MYH13: variants seen among roughly 807,000 people sequenced by gnomAD.
The protein encoded by MYH13 is myosin-13.
In MYH13, 177 loss-of-function variants were observed where a neutral mutation model predicts 232.1. That is an observed-to-expected ratio of 0.76 (90% CI 0.67 to 0.86). The LOEUF (loss-of-function observed/expected upper bound fraction) is 0.86, where lower values mean the gene tolerates loss of function less well. Among genes scored for constraint, MYH13 ranks in the 40% least tolerant of loss-of-function variants. MYH13 has a pLI of 0.00. For missense variants in MYH13, 2,246 were observed against 2,405.9 expected (o/e 0.93, Z 1.39); for synonymous variants, 884 against 923.5 (o/e 0.96, Z 0.78).
intron 22 of MYH13, among the ~76,000 whole-genome samples, chr17:10,326,601 G>A (rs1460952828): frequency 6.7e-6 from 1 of 150,184 alleles, no homozygotes; most frequent in Non-Finnish European, 1.5e-5. Context: ...CTCCTGAGTA[G>A]CTGGCACTAC....
At chr17:10,364,250 A>G in intron 3 of MYH13, 77 bp downstream of exon 3, 1 of 1,413,854 alleles carries the variant, frequency 7.1e-7, no homozygotes, top group Non-Finnish European at 9.8e-7. Context: ...AAGGACCAGC[A>G]TGCAATTTCT....
At chr17:10,339,908 G>A (rs1011321310) in intron 18 of MYH13, among the ~76,000 whole-genome samples, 8 of 152,152 alleles carry the variant, frequency 5.3e-5, no homozygotes, top group African/African-American at 1.9e-4. Flanking sequence ...TGATACAAGC[G>A]TGAAATGTGC....
chr17:10,350,984 G>A (rs1292009947), intron 11 of MYH13, among the ~76,000 whole-genome samples: 1 of 151,834 alleles, frequency 6.6e-6, no homozygotes, highest in East Asian at 2.0e-4. Flanking sequence ...CACTTTGAGA[G>A]GCCAGGGCAG....
chr17:10,357,554 A>G (rs1210646965), intron 8 of MYH13, among the ~76,000 whole-genome samples, 181 bp downstream of exon 8: 1 of 152,154 alleles, frequency 6.6e-6, no homozygotes, highest in Non-Finnish European at 1.5e-5. Flanking sequence ...CTCTGCCAGG[A>G]CCAAGCCAAC....
chr17:10,331,062 A>G (rs1567664006), intron 20 of MYH13, among the ~76,000 whole-genome samples: 1 of 151,932 alleles, frequency 6.6e-6, no homozygotes, highest in East Asian at 1.9e-4. Flanking sequence ...GACAAAAACA[A>G]CGTGTGTTCC....
Position 10,331,642 on chromosome 17 carries a change from A to T in MYH13, c.2298+457T>A, listed in dbSNP as rs1907410713. ...GCCCAGGCTGGAGTGCAGTAGTATG[A>T]TCAATCGCACTGCAGCCTCCATCTC... On this transcript the variant is annotated intron_variant, in intron 20 of 40. Transcript: ENST00000252172. Among the ~76,000 whole-genome samples, 5 of 152,060 alleles carry T rather than the reference A, an allele frequency of 3.3e-5. No homozygotes were observed. In the South Asian group the frequency reaches 1.0e-3, roughly 32 times the overall value.
At chr17:10,360,854 G>A (rs932709772) in intron 5 of MYH13, among the ~76,000 whole-genome samples, 1 of 152,100 alleles carries the variant, frequency 6.6e-6, no homozygotes, top group Non-Finnish European at 1.5e-5. Flanking sequence ...CAAGCACATG[G>A]GGAGAATGCC....
At chr17:10,312,202 G>C (rs919431576) in intron 31 of MYH13, 126 bp from the exon 32 acceptor site, 15 of 1,053,658 alleles carry the variant, frequency 1.4e-5, no homozygotes, top group Non-Finnish European at 2.0e-5. Context: ...GAAGAAGGAG[G>C]AGGAGCACTG....
At chr17:10,333,810 A>C (rs1263307802) in intron 18 of MYH13, among the ~76,000 whole-genome samples, 1 of 152,108 alleles carries the variant, frequency 6.6e-6, no homozygotes, top group Non-Finnish European at 1.5e-5. Flanking sequence ...TGGGAGGCTG[A>C]GGCAGCAGAA....
chr17:10,320,597 C>T, intron 24 of MYH13, 101 bp from the exon 25 acceptor site: 1 of 1,321,574 alleles, frequency 7.6e-7, no homozygotes, highest in Non-Finnish European at 1.0e-6. Flanking sequence ...TCCTGGGGCT[C>T]CTGTAGGGTG....
intron 37 of MYH13, among the ~76,000 whole-genome samples, chr17:10,305,844 G>A (rs750146270): frequency 8.5e-5 from 13 of 152,218 alleles, no homozygotes; most frequent in Non-Finnish European, 1.9e-4. Flanking sequence ...CCAGGTGTCG[G>A]GGGGTTGAAC....
chr17:10,310,480 T>C (rs1906472325), intron 33 of MYH13, among the ~76,000 whole-genome samples: 1 of 152,174 alleles, frequency 6.6e-6, no homozygotes, highest in Non-Finnish European at 1.5e-5. Flanking sequence ...CAAATATCCC[T>C]AATAGTGATG....
At chr17:10,358,544 G>C (rs2071766755) in intron 7 of MYH13, among the ~76,000 whole-genome samples, 1 of 152,022 alleles carries the variant, frequency 6.6e-6, no homozygotes, top group Admixed American at 6.6e-5. Flanking sequence ...GATTACTTGA[G>C]GCCAACGGTC....
Position 10,333,162 on chromosome 17 carries a change from G to A in MYH13, c.2086C>T (p.Gln696Ter), listed in dbSNP as rs752914001. The A allele has an allele frequency of 1.3e-6, 2 of 1,551,534 alleles. No homozygotes were observed. The highest frequency in any genetic ancestry group is 1.7e-6 in the Non-Finnish European group (2 of 1,146,870). The change falls in exon 19 of 41, where the codon CAG becomes TAG. Residue 696 changes from glutamine to a stop codon, truncating the protein, a stop_gained. Transcript: ENST00000252172. LOFTEE classifies it high-confidence loss of function. Reference protein sequence around the residue: ...GVMDHYLVMHQLRCNGVLEGI... With the variant: ...GVMDHYLVMH ...TCGAGGACCCCGTTACAGCGCAGCTGGTGCATGACCAAGTAGTGGTCCATC... is the reference window on the plus strand; with the variant it reads ...TCGAGGACCCCGTTACAGCGCAGCTAGTGCATGACCAAGTAGTGGTCCATC...
rs778908766 is a variant in MYH13, at chr17:10,327,917, T to C, written c.2640A>G (p.Lys880=). The change falls in exon 22 of 41, where the codon AAA becomes AAG. Residue 880 remains lysine, a synonymous_variant. Transcript: ENST00000252172. ...TCTTCTCCTGCAGGAGGGAGACCAT[T>C]TTCTCCTCCAGCTCCTTCCGGCGAG... is the stretch of plus-strand genomic sequence containing the variant. ...SEARRKELEE[K]MVSLLQEKND... The C allele has an allele frequency of 1.9e-6, 3 of 1,613,804 alleles. No homozygotes were observed.
Position 10,354,846 on chromosome 17 carries a change from T to C in MYH13, c.901+49A>G, listed in dbSNP as rs567656402. The stretch of plus-strand genomic sequence containing the variant: ...AACTTACTCTGGGTTGTTTTTTTTT[T>C]CCCAACGTCACCGATTTGGAACATA... On this transcript the variant is annotated intron_variant, in intron 10 of 40. Transcript: ENST00000252172. 1.1e-4 allele frequency: 135 copies of C among 1,180,772 alleles called. 1 individual carries two copies. Among genetic ancestry groups the C allele is most frequent in the South Asian group, 1.1e-3 (92 of 82,236 alleles). 73.1% of individuals were successfully genotyped at this position (1,180,772 alleles called of 1,614,324 possible). A position where few individuals can be genotyped will look rare whatever the true frequency, so the allele number is the denominator to read the frequency against.
intron 2 of MYH13, among the ~76,000 whole-genome samples, 176 bp from the exon 3 acceptor site, chr17:10,364,718 TA>T (rs1222182006): frequency 1.3e-5 from 2 of 151,874 alleles, no homozygotes; most frequent in East Asian, 3.9e-4. Flanking sequence ...GGGAATAAGC[TA>T]AAGGGGATAT....
At position 10,332,207 on chromosome 17, in the gene MYH13, A is replaced by G. The variant is rs1425672277; in HGVS notation, c.2190T>C (p.Asn730=). 4 of 1,613,822 alleles carry G rather than the reference A, an allele frequency of 2.5e-6. No homozygotes were observed. The South Asian group carries it at 4.4e-5, about 18-fold the overall frequency. The change falls in exon 20 of 41, where the codon AAT becomes AAC. Residue 730 remains asparagine (N), a synonymous_variant. Coordinates refer to ENST00000252172, the MANE Select transcript of MYH13 (RefSeq NM_003802.3). ...ADFKQRYRIL[N]ASAIPEGQFI... ...ACTGCCCTTCAGGGATAGCACTGGC[A>G]TTGAGGATCCGGTACCTAAGGAGAG...
chr17:10,313,028 G>A lies in MYH13; in HGVS notation c.4181+130C>T, dbSNP rs77504734. The A allele has an allele frequency of 1.9e-3, 2,759 of 1,434,212 alleles. 81 individuals carry two copies. In the East Asian group the frequency reaches 0.052, roughly 27 times the overall value. The allele number at this position is 1,434,212 out of a possible 1,614,324, so 88.8% of individuals were successfully genotyped here. A position where few individuals can be genotyped will look rare whatever the true frequency, so the allele number is the denominator to read the frequency against. ...GACAGGGAGACCCCCAGAGGGTGGG[G>A]GGTACAATCCGAGTGTTTCAGAAAC... On this transcript the variant is annotated intron_variant, in intron 30 of 40. Transcript: ENST00000252172.
Sources: allele counts gnomAD v4.1 joint callset (sites outside exome capture counted in the v4.1 genomes callset), GRCh38; gene constraint gnomAD v4.1.1; transcripts MANE v1.5; gene names NCBI Gene and HGNC (gene_info 2026-07-23, HGNC 2026-07-21).